The following DNAJC1 variants were observed in gnomAD, a reference collection of about 807,000 sequenced individuals.
DNAJC1 encodes dnaJ homolog subfamily C member 1.
A neutral mutation model predicts 76.6 loss-of-function variants in DNAJC1; 58 were observed. The ratio of observed to expected loss-of-function variants is 0.76; its 90% CI spans 0.61 to 0.94. The LOEUF (loss-of-function observed/expected upper bound fraction) is 0.94, where lower values mean the gene tolerates loss of function less well. DNAJC1 is among the 40% of genes least tolerant of loss of function. The pLI, the probability that DNAJC1 is intolerant of heterozygous loss-of-function variation, is 0.00. For synonymous variants in DNAJC1, 258 were observed against 267.9 expected, an observed-to-expected ratio of 0.96 and a Z score of 0.36; for missense variants, 689 against 677.3, an observed-to-expected ratio of 1.02 and a Z score of -0.19.
At chr10:21,908,498 G>GT (rs1836796536) in intron 6 of DNAJC1, among the ~76,000 whole-genome samples, 1 of 148,308 alleles carries the variant, frequency 6.7e-6, no homozygotes, top group Admixed American at 6.8e-5. Flanking sequence ...ATGGGGGGGG[G>GT]GTGAATTCAA....
intron 7 of DNAJC1, among the ~76,000 whole-genome samples, chr10:21,890,342 G>A (rs947746081): frequency 6.6e-6 from 1 of 151,358 alleles, no homozygotes; most frequent in Non-Finnish European, 1.5e-5. Context: ...GAACCTGCGA[G>A]GCAGAGGTTG....
intron 8 of DNAJC1, among the ~76,000 whole-genome samples, chr10:21,866,561 C>G (rs1379882348): frequency 6.6e-6 from 1 of 151,988 alleles, no homozygotes; most frequent in Non-Finnish European, 1.5e-5. Context: ...GTTAACTGAG[C>G]AAGAAAAAAC....
chr10:21,834,470 G>A (rs957654952), intron 8 of DNAJC1, among the ~76,000 whole-genome samples: 7 of 152,148 alleles, frequency 4.6e-5, no homozygotes, highest in Non-Finnish European at 1.0e-4. Flanking sequence ...CCAGACAGTA[G>A]GTGCAGGACA....
At chr10:21,933,672 AT>A (rs1349339704) in intron 1 of DNAJC1, among the ~76,000 whole-genome samples, 1 of 152,194 alleles carries the variant, frequency 6.6e-6, no homozygotes, top group Non-Finnish European at 1.5e-5. Context: ...TTATTTATTC[AT>A]TTATATTTAG....
chr10:21,760,974 T>C (rs192946006), intron 10 of DNAJC1, among the ~76,000 whole-genome samples: 34 of 151,942 alleles, frequency 2.2e-4, no homozygotes, highest in Admixed American at 1.9e-3. Flanking sequence ...AGGCCAGGAG[T>C]TCCAGACCAG....
In DNAJC1 at chr10:21,857,779, C is replaced by T. The variant is rs186068263; in HGVS notation, c.978+24503G>A. ...GCTGAGGCAGGAAAACTGCTTGTACCTGGGAGGTGGAGATTGCAGTGAGCT... is the reference window on the plus strand; with the variant it reads ...GCTGAGGCAGGAAAACTGCTTGTACTTGGGAGGTGGAGATTGCAGTGAGCT... On this transcript the variant is annotated intron_variant, in intron 8 of 11. Transcript: ENST00000376980. Among the ~76,000 whole-genome samples, 291 of 152,118 alleles carry T rather than the reference C, an allele frequency of 1.9e-3. 2 individuals carry two copies. Among genetic ancestry groups the T allele is most frequent in the African/African-American group, 6.6e-3 (276 of 41,506 alleles).
At chr10:21,874,330 C>T (rs1836149891) in intron 8 of DNAJC1, among the ~76,000 whole-genome samples, 1 of 151,706 alleles carries the variant, frequency 6.6e-6, no homozygotes, top group Admixed American at 6.6e-5. Context: ...GAGAGGACTG[C>T]TTGAGTCCAG....
chr10:21,869,054 C>T lies in DNAJC1; in HGVS notation c.978+13228G>A, dbSNP rs1836056615. On this transcript the variant is annotated intron_variant, in intron 8 of 11. Transcript: ENST00000376980. ...ACTTTTTGTAGTGGCCCTACAAAGC[C>T]GTCTCTTGTGGGGAAAATTTGTATT... Among the ~76,000 whole-genome samples, 3 of 151,974 alleles carry T rather than the reference C, an allele frequency of 2.0e-5. No homozygotes were observed. In the South Asian group the frequency reaches 6.2e-4, roughly 32 times the overall value.
At chr10:21,828,070 C>T (rs1015235578) in intron 8 of DNAJC1, among the ~76,000 whole-genome samples, 2 of 152,206 alleles carry the variant, frequency 1.3e-5, no homozygotes, top group African/African-American at 2.4e-5. Flanking sequence ...AATGAGAGAA[C>T]CTCTTTTTCC....
chr10:21,961,867 T>C (rs987396291), intron 1 of DNAJC1, among the ~76,000 whole-genome samples: 1 of 152,152 alleles, frequency 6.6e-6, no homozygotes, highest in Non-Finnish European at 1.5e-5. Flanking sequence ...TCATATCCCA[T>C]CACTTTTCCT....
At chr10:21,797,323 G>T (rs1834760756) in intron 9 of DNAJC1, among the ~76,000 whole-genome samples, 2 of 152,080 alleles carry the variant, frequency 1.3e-5, no homozygotes, top group African/African-American at 4.8e-5. Context: ...CTTTATGCTA[G>T]TACCATACTG....
At chr10:21,816,273 T>G (rs973368034) in intron 8 of DNAJC1, among the ~76,000 whole-genome samples, 1 of 151,746 alleles carries the variant, frequency 6.6e-6, no homozygotes, top group South Asian at 2.1e-4. Flanking sequence ...GGCAGGAGAA[T>G]TGCTGGAACC....
chr10:21,859,007 A>C (rs1835883336), intron 8 of DNAJC1, among the ~76,000 whole-genome samples: 1 of 152,336 alleles, frequency 6.6e-6, no homozygotes, highest in East Asian at 1.9e-4. Context: ...AACTTAACTC[A>C]TAAAATGTCA....
chr10:21,810,782 C>T (rs1318289779), intron 8 of DNAJC1, among the ~76,000 whole-genome samples: 2 of 152,192 alleles, frequency 1.3e-5, no homozygotes, highest in Non-Finnish European at 2.9e-5. Context: ...TGTATGGTGC[C>T]TCCTGGTGGA....
chr10:21,824,951 T>C (rs1260440404), intron 8 of DNAJC1, among the ~76,000 whole-genome samples: 1 of 152,060 alleles, frequency 6.6e-6, no homozygotes, highest in African/African-American at 2.4e-5. Context: ...ATTTTTTGTA[T>C]TTTTAGTAGA....
At chr10:21,966,046 T>C (rs1489998095) in intron 1 of DNAJC1, among the ~76,000 whole-genome samples, 1 of 152,236 alleles carries the variant, frequency 6.6e-6, no homozygotes, top group African/African-American at 2.4e-5. Context: ...TTTCTTGATC[T>C]TGACACTTCT....
chr10:21,779,539 C>G (rs184920540), intron 9 of DNAJC1, among the ~76,000 whole-genome samples: 6 of 152,196 alleles, frequency 3.9e-5, no homozygotes, highest in African/African-American at 4.8e-5. Flanking sequence ...AGGGTCCTGA[C>G]TGTTAAAAGG....
intron 7 of DNAJC1, among the ~76,000 whole-genome samples, chr10:21,884,774 TA>T (rs1394871411): frequency 6.6e-6 from 1 of 152,212 alleles, no homozygotes; most frequent in Non-Finnish European, 1.5e-5. Flanking sequence ...GAGAATCAGT[TA>T]TTTTTTTAAA....
chr10:21,761,745 C>A (rs910678219), intron 10 of DNAJC1, among the ~76,000 whole-genome samples: 2 of 152,040 alleles, frequency 1.3e-5, no homozygotes, highest in Admixed American at 6.6e-5. Flanking sequence ...TCCTTTCTTA[C>A]GTTAATGGCA....
Sources: allele counts gnomAD v4.1 joint callset (sites outside exome capture counted in the v4.1 genomes callset), GRCh38; gene constraint gnomAD v4.1.1; transcripts MANE v1.5; gene names NCBI Gene and HGNC (gene_info 2026-07-23, HGNC 2026-07-21).